Variants in SULT2B1 observed in about 807,000 individuals in gnomAD.
SULT2B1 encodes sulfotransferase 2B1.
In SULT2B1, 16 loss-of-function variants were observed where a neutral mutation model predicts 33.2. The ratio of observed to expected loss-of-function variants is 0.48; its 90% CI spans 0.33 to 0.73. SULT2B1 has a LOEUF of 0.73. SULT2B1 is among the 30% of genes least tolerant of loss of function. The pLI is 0.02. For missense variants in SULT2B1, 500 were observed against 506.0 expected, an observed-to-expected ratio of 0.99 and a Z score of 0.11; for synonymous variants, 186 against 200.5, an observed-to-expected ratio of 0.93 and a Z score of 0.61.
rs547058559 is a variant in SULT2B1 at position 48,578,513 on chromosome 19, T to C, written c.214+2430T>C. On this transcript the variant is annotated intron_variant, in intron 2 of 6. Transcript: ENST00000201586. ...GCGAGGATTGCTTCAGTCTGGGAGG[T>C]GGAGGTTGCAGTGAGACGCGTTCAC... 5.3e-5 allele frequency among the ~76,000 whole-genome samples: 8 copies of C among 151,672 alleles called. 1 individual carries two copies. In the East Asian group the frequency reaches 1.6e-3, roughly 29 times the overall value.
chr19:48,560,225 G>C (rs926131564), intron 1 of SULT2B1, among the ~76,000 whole-genome samples: 1 of 152,148 alleles, frequency 6.6e-6, no homozygotes, highest in Admixed American at 6.6e-5. Context: ...TGCTAGCAAG[G>C]GAGGGGATGG....
intron 1 of SULT2B1, chr19:48,575,489 T>A (rs1208676764): frequency 6.7e-6 from 1 of 150,080 alleles, no homozygotes; most frequent in African/African-American, 2.4e-5. Flanking sequence ...TATTTATATA[T>A]ATTTTGAGAT....
intron 1 of SULT2B1, among the ~76,000 whole-genome samples, chr19:48,555,385 C>T (rs1008815874): frequency 6.6e-6 from 1 of 152,182 alleles, no homozygotes; most frequent in African/African-American, 2.4e-5. Context: ...AGCCACCGTG[C>T]CCGGCCTATC....
rs1218525514 is a variant in SULT2B1, at chr19:48,552,339, G to C, written c.71+16G>C. On this transcript the variant is annotated intron_variant, in intron 1 of 6. Transcript: ENST00000201586. This position sits in a 1 kb window ranked among gnomAD's most constrained non-coding sequence, Gnocchi z 4.8. ...CGGAAATCAGGTGAGGCCCAGACCT[G>C]GGCAGGAGCCAGGAGATCCCAGGGA... is the stretch of plus-strand genomic sequence containing the variant. 6.2e-7 allele frequency: 1 copy of C among 1,613,398 alleles called. No individual in the cohort carries two copies. The highest frequency in any genetic ancestry group is 1.7e-5 in the Admixed American group (1 of 59,928).
rs1404644645 is a variant in SULT2B1, at chr19:48,599,084, G to A, written c.827-51G>A. The A allele has an allele frequency of 2.0e-6, 3 of 1,534,962 alleles. No individual in the cohort carries two copies. Among genetic ancestry groups the A allele is most frequent in the African/African-American group, 1.4e-5 (1 of 72,696 alleles). ...GGTTGCTGGAATGTTGGAGGTAGGGGCGCAGTGCTCCCCAGAGGCTCCTCA... is the reference window on the plus strand; with the variant it reads ...GGTTGCTGGAATGTTGGAGGTAGGGACGCAGTGCTCCCCAGAGGCTCCTCA... On this transcript the variant is annotated intron_variant, in intron 6 of 6. Transcript: ENST00000201586. This position sits in a 1 kb window ranked among gnomAD's most constrained non-coding sequence, Gnocchi z 4.1.
chr19:48,580,302 A>G (rs1330606654), intron 2 of SULT2B1, among the ~76,000 whole-genome samples: 1 of 152,028 alleles, frequency 6.6e-6, no homozygotes. Flanking sequence ...ACTGTTGCCC[A>G]GGCTGGAGTG....
intron 1 of SULT2B1, among the ~76,000 whole-genome samples, chr19:48,566,430 G>A (rs1167672973): frequency 6.6e-6 from 1 of 151,972 alleles, no homozygotes; most frequent in Non-Finnish European, 1.5e-5. Flanking sequence ...GGGCACAATG[G>A]CTCATGCCTG....
At chr19:48,567,245 G>A (rs1973257240) in intron 1 of SULT2B1, among the ~76,000 whole-genome samples, 1 of 151,994 alleles carries the variant, frequency 6.6e-6, no homozygotes, top group African/African-American at 2.4e-5. Context: ...AGGGGGTCAG[G>A]TTCATTCGGG....
intron 2 of SULT2B1, among the ~76,000 whole-genome samples, chr19:48,577,065 T>C (rs1310616915): frequency 4.4e-5 from 6 of 135,452 alleles, no homozygotes; most frequent in Non-Finnish European, 6.2e-5. Context: ...TGACGGAGTC[T>C]CTCTGTCGCC....
At chr19:48,593,573 T>C (rs746174205) in intron 5 of SULT2B1, among the ~76,000 whole-genome samples, 10 of 152,014 alleles carry the variant, frequency 6.6e-5, no homozygotes, top group South Asian at 2.1e-4. Context: ...AGAAAAAAGA[T>C]TGAACCACAT....
chr19:48,553,545 T>C (rs1973054513), intron 1 of SULT2B1, among the ~76,000 whole-genome samples: 1 of 152,178 alleles, frequency 6.6e-6, no homozygotes, highest in Non-Finnish European at 1.5e-5. Context: ...ACTCCTTGCC[T>C]CAGGTGATCC....
rs532729922 is a variant in SULT2B1, at chr19:48,597,405, G to A, written c.826+486G>A. On this transcript the variant is annotated intron_variant, in intron 6 of 6. Coordinates refer to ENST00000201586, the MANE Select transcript of SULT2B1 (RefSeq NM_177973.2). ...CAGGCTGGCTGGAGGTTGCAGTGGC[G>A]CGATCTCGGCTCACTGCGACCTCCA... Among the ~76,000 whole-genome samples the A allele has an allele frequency of 5.4e-5, 8 of 149,012 alleles. 1 individual carries two copies. The highest frequency in any genetic ancestry group is 4.2e-4 in the South Asian group (2 of 4,734).
chr19:48,557,628 C>T (rs755807098), intron 1 of SULT2B1, among the ~76,000 whole-genome samples: 2 of 150,470 alleles, frequency 1.3e-5, no homozygotes, highest in Admixed American at 6.7e-5. Context: ...AAATTAAAAT[C>T]GTAAGAGGCC....
chr19:48,597,925 C>T (rs1354063909), intron 6 of SULT2B1, among the ~76,000 whole-genome samples: 2 of 152,066 alleles, frequency 1.3e-5, no homozygotes, highest in Non-Finnish European at 2.9e-5. Flanking sequence ...TGAGCCACTG[C>T]GCCCGGCCAA....
intron 1 of SULT2B1, among the ~76,000 whole-genome samples, chr19:48,554,733 G>A (rs1439501973): frequency 2.2e-4 from 30 of 134,458 alleles, no homozygotes; most frequent in Non-Finnish European, 3.7e-4. Context: ...GAACGATCTC[G>A]GCTCACTGCA....
At chr19:48,554,542 T>TGTC (rs1237207475) in intron 1 of SULT2B1, among the ~76,000 whole-genome samples, 1 of 146,204 alleles carries the variant, frequency 6.8e-6, no homozygotes, top group Non-Finnish European at 1.5e-5. Flanking sequence ...CAGCCTTGGC[T>TGTC]GTCCCAGGCT....
chr19:48,584,136 G>A (rs778696613), intron 2 of SULT2B1, among the ~76,000 whole-genome samples: 2 of 152,100 alleles, frequency 1.3e-5, no homozygotes, highest in Middle Eastern at 3.2e-3. Flanking sequence ...ACCACACACA[G>A]GAATAGCTAA....
chr19:48,554,034 A>G (rs1299443794), intron 1 of SULT2B1, among the ~76,000 whole-genome samples: 1 of 152,026 alleles, frequency 6.6e-6, no homozygotes, highest in Non-Finnish European at 1.5e-5. Flanking sequence ...GACCTCGCTA[A>G]GTGGGTGACC....
rs531091917 is a variant in SULT2B1, at chr19:48,572,405, A to G, written c.72-3536A>G. On this transcript the variant is annotated intron_variant, in intron 1 of 6. Coordinates refer to ENST00000201586, the MANE Select transcript of SULT2B1 (RefSeq NM_177973.2). ...GCATGCACCTGTAGTGCTAGCTACTAGGGAGGCTGAGGCAGGAGAATAGCT... is the reference window on the plus strand; with the variant it reads ...GCATGCACCTGTAGTGCTAGCTACTGGGGAGGCTGAGGCAGGAGAATAGCT... Among the ~76,000 whole-genome samples, 26 of 152,206 alleles carry G rather than the reference A, an allele frequency of 1.7e-4. No homozygotes were observed. In the East Asian group the frequency reaches 2.7e-3, roughly 16 times the overall value.
Sources: allele counts gnomAD v4.1 joint callset (sites outside exome capture counted in the v4.1 genomes callset), GRCh38; gene constraint gnomAD v4.1.1; non-coding constraint Gnocchi (gnomAD v3.1); transcripts MANE v1.5; gene names NCBI Gene and HGNC (gene_info 2026-07-23, HGNC 2026-07-21).